Variants in SKOR2 observed in about 807,000 individuals in gnomAD.
SKOR2 encodes SKI family transcriptional corepressor 2, also known as LBX1 corepressor 1-like protein.
In SKOR2, 47 loss-of-function variants were observed where a neutral mutation model predicts 69.1. That is an observed-to-expected ratio of 0.68 (90% CI 0.54 to 0.87). The LOEUF is 0.87. Ranked by LOEUF, SKOR2 falls within the 40% of genes least tolerant of loss-of-function variation. SKOR2 has a pLI of 0.00. For synonymous variants in SKOR2, 717 were observed against 672.6 expected (o/e 1.07, Z -1.02); for missense variants, 1,404 against 1,472.2 (o/e 0.95, Z 0.76).
intron 4 of SKOR2, among the ~76,000 whole-genome samples, chr18:47,231,515 G>A (rs957308499): frequency 6.6e-6 from 1 of 152,036 alleles, no homozygotes; most frequent in Non-Finnish European, 1.5e-5. Flanking sequence ...GCCTGGAGGG[G>A]TTCCCTAATA....
At chr18:47,229,161 A>G (rs1449679599) in intron 6 of SKOR2, among the ~76,000 whole-genome samples, 8 of 152,214 alleles carry the variant, frequency 5.3e-5, no homozygotes, top group African/African-American at 1.4e-4. Context: ...AGGAAGCCCT[A>G]ATGAATGAAG....
intron 6 of SKOR2, among the ~76,000 whole-genome samples, chr18:47,220,767 G>A (rs549383262): frequency 1.3e-5 from 2 of 152,276 alleles, no homozygotes; most frequent in South Asian, 4.2e-4. Flanking sequence ...AAGTGTGGAC[G>A]TGGCTAACTT....
In SKOR2 at chr18:47,247,861, G is replaced by A; in HGVS notation, c.1323C>T (p.Gly441=). 1 of 1,358,970 alleles carries A rather than the reference G, an allele frequency of 7.4e-7. No homozygotes were observed. The highest frequency in any genetic ancestry group is 9.4e-7 in the Non-Finnish European group (1 of 1,065,946). 84.2% of individuals were successfully genotyped at this position (1,358,970 alleles called of 1,614,324 possible). ...AGCCGGCCTTGGGCGCCGCGCCCGC[G>A]CCGCCTGCGCCCGCGCCCCCCAGGG... ...AEALGGAGAG[G]AGAAPKAGLS... Residue 441 remains glycine (G), a synonymous_variant, in exon 2 of 9, where the codon GGC becomes GGT. Coordinates refer to ENST00000425639, the MANE Select transcript of SKOR2 (RefSeq NM_001278063.4). This position sits in a 1 kb window ranked among gnomAD's most constrained non-coding sequence, Gnocchi z 6.6.
chr18:47,241,164 G>T (rs2064246992), intron 4 of SKOR2, among the ~76,000 whole-genome samples: 1 of 152,152 alleles, frequency 6.6e-6, no homozygotes. Flanking sequence ...CAGAGTCTAG[G>T]AAAGTACTTA....
At chr18:47,245,884 G>A (rs370066386) in intron 2 of SKOR2, among the ~76,000 whole-genome samples, 18 of 152,044 alleles carry the variant, frequency 1.2e-4, no homozygotes, top group East Asian at 1.9e-4. Context: ...GATTCACTTC[G>A]CCCTAAAGTC....
rs1408636152 is a variant in SKOR2 at position 47,249,206 on chromosome 18, G to A, written c.-23C>T. ...CATCTCCGCCGCAGAACCCCGGGCC[G>A]AGCCCTACAGGTCTGCCTTGGACAC... is the stretch of plus-strand genomic sequence containing the variant. On this transcript the variant is annotated 5_prime_UTR_variant, in exon 2 of 9. Coordinates refer to ENST00000425639, the MANE Select transcript of SKOR2 (RefSeq NM_001278063.4). 4 of 1,528,436 alleles carry A rather than the reference G, an allele frequency of 2.6e-6. No homozygotes were observed. The highest frequency in any genetic ancestry group is 3.5e-6 in the Non-Finnish European group (4 of 1,143,120). The allele number at this position is 1,528,436 out of a possible 1,614,324, so 94.7% of individuals were successfully genotyped here.
At chr18:47,246,034 T>G (rs2064271463) in intron 2 of SKOR2, among the ~76,000 whole-genome samples, 1 of 152,166 alleles carries the variant, frequency 6.6e-6, no homozygotes, top group South Asian at 2.1e-4. Context: ...GAAGATCCTG[T>G]CTTTTGTTTC....
intron 8 of SKOR2, among the ~76,000 whole-genome samples, chr18:47,207,350 T>C (rs1307732888): frequency 1.3e-5 from 2 of 152,186 alleles, no homozygotes; most frequent in Non-Finnish European, 2.9e-5. Context: ...TAATACAAGA[T>C]GTGAATTAGG....
At chr18:47,223,306 G>T (rs1220058649) in intron 6 of SKOR2, among the ~76,000 whole-genome samples, 1 of 152,064 alleles carries the variant, frequency 6.6e-6, no homozygotes, top group African/African-American at 2.4e-5. Context: ...CACCAGCAAT[G>T]AAAGAAAAGG....
At chr18:47,240,931 A>G (rs890456277) in intron 4 of SKOR2, among the ~76,000 whole-genome samples, 3 of 152,238 alleles carry the variant, frequency 2.0e-5, no homozygotes, top group African/African-American at 7.2e-5. Flanking sequence ...TGTTATAGCT[A>G]TATAAGCATA....
intron 7 of SKOR2, among the ~76,000 whole-genome samples, chr18:47,217,942 T>C (rs1278305818): frequency 3.3e-5 from 5 of 152,198 alleles, no homozygotes; most frequent in Admixed American, 6.5e-5. Context: ...ACAACATTTG[T>C]CTAGATAGAT....
intron 8 of SKOR2, among the ~76,000 whole-genome samples, chr18:47,209,928 CA>C (rs1389413620): frequency 6.6e-6 from 1 of 151,814 alleles, no homozygotes; most frequent in East Asian, 1.9e-4. Flanking sequence ...CTTGTCTTTA[CA>C]AAATAAAAAA....
Position 47,249,344 on chromosome 18 carries a change from A to T in SKOR2, c.-47-114T>A, listed in dbSNP as rs990418465. 2.9e-6 allele frequency: 3 copies of T among 1,023,660 alleles called. No individual in the cohort carries two copies. The African/African-American group carries it at 4.9e-5, about 17-fold the overall frequency. 63.4% of individuals were successfully genotyped at this position (1,023,660 alleles called of 1,614,324 possible). A position where few individuals can be genotyped will look rare whatever the true frequency, so the allele number is the denominator to read the frequency against. Reference sequence around the variant, plus strand: ...ACTTTCTTGCTTTGGTTAAGACACGATTATTACTGGAAAAAGTGACCAAGT... The same window carrying T: ...ACTTTCTTGCTTTGGTTAAGACACGTTTATTACTGGAAAAAGTGACCAAGT... On this transcript the variant is annotated intron_variant, in intron 1 of 8. Transcript: ENST00000425639.
rs780338384 is a variant in SKOR2, at chr18:47,249,136, C to T, written c.48G>A (p.Ser16=). The change falls in exon 2 of 9, where the codon TCG becomes TCA. Residue 16 remains serine, a synonymous_variant. Coordinates refer to ENST00000425639, the MANE Select transcript of SKOR2 (RefSeq NM_001278063.4). ...LPGPNDILLA[S]PSSAFQPDTL... ...TGTCGGGCTGGAAGGCGCTCGACGG[C>T]GACGCCAGCAGGATGTCGTTGGGCC... The T allele has an allele frequency of 7.2e-6, 11 of 1,535,770 alleles. No individual in the cohort carries two copies. The South Asian group carries it at 1.2e-4, about 17-fold the overall frequency.
At chr18:47,210,829 C>T (rs886576906) in intron 8 of SKOR2, among the ~76,000 whole-genome samples, 8 of 152,212 alleles carry the variant, frequency 5.3e-5, no homozygotes, top group African/African-American at 1.9e-4. Context: ...TAAGTCCATG[C>T]ATTAGGAAGA....
At position 47,248,230 on chromosome 18, in the gene SKOR2, C is replaced by A. The variant is rs1254504487; in HGVS notation, c.954G>T (p.Leu318Phe). Residue 318 changes from leucine to phenylalanine, a missense_variant, in exon 2 of 9, where the codon TTG becomes TTT. This residue lies in a region of SKOR2 where 1,266 missense variants were observed against 1,309.9 expected (regional missense o/e 0.97). Coordinates refer to ENST00000425639, the MANE Select transcript of SKOR2 (RefSeq NM_001278063.4). This position sits in a 1 kb window ranked among gnomAD's most constrained non-coding sequence, Gnocchi z 6.4. ...RPRFDDDDDS[L>F]QEAAVVAAAS... The stretch of plus-strand genomic sequence containing the variant: ...CGGCGGCCACTACGGCGGCCTCCTG[C>A]AAGGAGTCGTCGTCGTCGTCGAAGC... The A allele has an allele frequency of 3.3e-6, 4 of 1,228,474 alleles. No individual in the cohort carries two copies. The highest frequency in any genetic ancestry group is 4.1e-6 in the Non-Finnish European group (4 of 987,490). 76.1% of individuals were successfully genotyped at this position (1,228,474 alleles called of 1,614,324 possible).
intron 6 of SKOR2, 98 bp from the exon 7 acceptor site, chr18:47,220,108 C>G (rs1600027905): frequency 4.1e-6 from 4 of 979,910 alleles, no homozygotes; most frequent in East Asian, 5.4e-5. Flanking sequence ...TGGACAGCCC[C>G]CCTACTTTTA....
Position 47,230,504 on chromosome 18 carries a change from G to A in SKOR2, c.2872C>T (p.Gln958Ter). ...EQIDLRRRLE[Q>*]EFQVLKGNTS... ...TTTCCTTTTAACACCTGGAATTCTT[G>A]TTCCAGTCGTCTCCGTAAATCTATT... The change falls in exon 6 of 9, where the codon CAA becomes TAA. Residue 958 changes from glutamine (Q) to a stop codon, truncating the protein, a stop_gained. Transcript: ENST00000425639. LOFTEE classifies it high-confidence loss of function. 6.9e-7 allele frequency: 1 copy of A among 1,449,590 alleles called. No individual in the cohort carries two copies. Among genetic ancestry groups the A allele is most frequent in the Non-Finnish European group, 9.0e-7 (1 of 1,108,574 alleles). The allele number at this position is 1,449,590 out of a possible 1,614,324, so 89.8% of individuals were successfully genotyped here.
At chr18:47,207,740 T>C (rs1397603699) in intron 8 of SKOR2, among the ~76,000 whole-genome samples, 2 of 152,212 alleles carry the variant, frequency 1.3e-5, no homozygotes, top group Non-Finnish European at 2.9e-5. Context: ...TCCAATATCC[T>C]TTTTTAAAAG....
Sources: gnomAD v4.1 joint callset for allele counts (sites outside exome capture counted in the v4.1 genomes callset) on GRCh38, gnomAD v4.1.1 for gene constraint, gnomAD v4.1.1 regional missense constraint, Gnocchi (gnomAD v3.1) non-coding constraint, MANE v1.5 for transcripts, NCBI Gene and HGNC (gene_info 2026-07-23, HGNC 2026-07-21) for gene names.